The following SLX4IP variants were observed in gnomAD, a reference collection of about 807,000 sequenced individuals.
SLX4IP encodes SLX4 interacting protein, also known as protein SLX4IP.
In SLX4IP, 34 loss-of-function variants were observed where a neutral mutation model predicts 32.9. That is an observed-to-expected ratio of 1.03 (90% CI 0.79 to 1.38). SLX4IP has a LOEUF of 1.38. Among genes scored for constraint, SLX4IP ranks in the 40% most tolerant of loss-of-function variants. The probability of loss-of-function intolerance (pLI) is 0.00; values close to 1 mark genes in which losing one functional copy is unlikely to be tolerated. For missense variants in SLX4IP, 444 were observed against 479.0 expected (o/e 0.93, Z 0.68); for synonymous variants, 172 against 171.7 (o/e 1.00, Z -0.01).
chr20:10,479,438 C>T (rs553946483), intron 2 of SLX4IP, among the ~76,000 whole-genome samples: 7 of 149,838 alleles, frequency 4.7e-5, no homozygotes, highest in African/African-American at 1.2e-4. Context: ...CTGCAACCTC[C>T]GCCTCCTGGG....
intron 2 of SLX4IP, among the ~76,000 whole-genome samples, chr20:10,526,493 A>C (rs995855300): frequency 2.4e-4 from 37 of 152,204 alleles, no homozygotes; most frequent in Admixed American, 1.2e-3. Flanking sequence ...ATATGTCCTC[A>C]AGATTGCCAC....
At chr20:10,614,287 A>G (rs540121245) in intron 6 of SLX4IP, 217 of 599,836 alleles carry the variant, frequency 3.6e-4, no homozygotes, top group Non-Finnish European at 5.5e-4. Flanking sequence ...AGAATTCATG[A>G]AGTCCTACCT....
chr20:10,581,232 A>G (rs1156739709), intron 4 of SLX4IP, among the ~76,000 whole-genome samples: 1 of 152,098 alleles, frequency 6.6e-6, no homozygotes, highest in Non-Finnish European at 1.5e-5. Flanking sequence ...ATGGAGGGAC[A>G]GGGAGCTGAT....
chr20:10,511,051 G>A (rs1292168381), intron 2 of SLX4IP, among the ~76,000 whole-genome samples: 2 of 152,206 alleles, frequency 1.3e-5, no homozygotes, highest in Non-Finnish European at 2.9e-5. Flanking sequence ...CAGAGAACCT[G>A]GCTTTGGTGC....
chr20:10,619,989 C>T (rs1315764226), intron 6 of SLX4IP, among the ~76,000 whole-genome samples: 1 of 152,180 alleles, frequency 6.6e-6, no homozygotes, highest in African/African-American at 2.4e-5. Context: ...GATGGATAGG[C>T]ACAATTGAAG....
At chr20:10,565,450 G>A (rs1004479438) in intron 4 of SLX4IP, among the ~76,000 whole-genome samples, 4 of 152,090 alleles carry the variant, frequency 2.6e-5, no homozygotes, top group Admixed American at 2.0e-4. Context: ...AAGCTTTGCC[G>A]AGCCTCATCC....
At chr20:10,529,114 T>C (rs1472015247) in intron 2 of SLX4IP, among the ~76,000 whole-genome samples, 3 of 152,336 alleles carry the variant, frequency 2.0e-5, no homozygotes, top group Non-Finnish European at 4.4e-5. Flanking sequence ...GTCTAAAGAC[T>C]AAAAAGTAGA....
At position 10,623,609 on chromosome 20, in the gene SLX4IP, G is replaced by C; in HGVS notation, c.*230G>C. The C allele has an allele frequency of 1.7e-6, 1 of 596,770 alleles. No homozygotes were observed. Among genetic ancestry groups the C allele is most frequent in the Non-Finnish European group, 2.8e-6 (1 of 355,582 alleles). The allele number at this position is 596,770 out of a possible 1,614,324, so 37.0% of individuals were successfully genotyped here. On this transcript the variant is annotated 3_prime_UTR_variant, in exon 8 of 8. Coordinates refer to ENST00000334534, the MANE Select transcript of SLX4IP (RefSeq NM_001009608.3). ...TTCTTTATCATTGTATTTTATGACT[G>C]TCTTCAGAGAATTAGTAATGACAAA...
chr20:10,535,363 C>G, intron 2 of SLX4IP, among the ~76,000 whole-genome samples: 1 of 152,034 alleles, frequency 6.6e-6, no homozygotes, highest in Non-Finnish European at 1.5e-5. Flanking sequence ...GCTCTGTTGC[C>G]CAAGCTGGAG....
intron 2 of SLX4IP, among the ~76,000 whole-genome samples, chr20:10,486,458 G>T (rs545146744): frequency 2.0e-5 from 3 of 152,150 alleles, no homozygotes; most frequent in Non-Finnish European, 4.4e-5. Flanking sequence ...GAACTGGTGT[G>T]CCAGGCTCTT....
intron 1 of SLX4IP, among the ~76,000 whole-genome samples, chr20:10,445,933 C>CTT (rs749557514): frequency 3.1e-3 from 186 of 60,686 alleles, no homozygotes; most frequent in Non-Finnish European, 4.4e-3. Flanking sequence ...GCTGAGATTG[C>CTT]TTTTTTTTTT....
rs968562849 is a variant in SLX4IP, at chr20:10,587,517, G to A, written c.239-11158G>A. Among the ~76,000 whole-genome samples, 3 of 152,190 alleles carry A rather than the reference G, an allele frequency of 2.0e-5. No homozygotes were observed. The South Asian group carries it at 6.2e-4, about 32-fold the overall frequency. On this transcript the variant is annotated intron_variant, in intron 4 of 7. Transcript: ENST00000334534. ...ATATACAGGTGAAAAAATTGGAGAT[G>A]AAGAAAAGTCCCTTTTTTGGTACAT...
chr20:10,442,119 A>G (rs1359200044), intron 1 of SLX4IP, among the ~76,000 whole-genome samples: 2 of 152,198 alleles, frequency 1.3e-5, no homozygotes, highest in African/African-American at 2.4e-5. Context: ...AAATCTGGAG[A>G]TTAGAAACCT....
intron 7 of SLX4IP, 151 bp from the exon 8 acceptor site, chr20:10,622,508 G>T: frequency 9.8e-7 from 1 of 1,019,008 alleles, no homozygotes; most frequent in South Asian, 1.7e-5. Context: ...ATACACCTGT[G>T]GTGGGGAGTG....
intron 6 of SLX4IP, among the ~76,000 whole-genome samples, chr20:10,609,906 G>A (rs2122558814): frequency 6.6e-6 from 1 of 151,546 alleles, no homozygotes; most frequent in African/African-American, 2.4e-5. Context: ...GGAGTTACTA[G>A]CCTATGATTC....
At chr20:10,618,940 T>TGGGGGTGGGGGGGG (rs2067071936) in intron 6 of SLX4IP, among the ~76,000 whole-genome samples, 2 of 41,772 alleles carry the variant, frequency 4.8e-5, no homozygotes, top group Non-Finnish European at 9.9e-5. Context: ...GCTTGGGGGT[T>TGGGGGTGGGGGGGG]GGGGGGGCGG....
chr20:10,460,540 C>A (rs1291506388), intron 2 of SLX4IP, among the ~76,000 whole-genome samples: 1 of 152,162 alleles, frequency 6.6e-6, no homozygotes, highest in Admixed American at 6.5e-5. Context: ...CATCCACGTG[C>A]CTGTTCTGCA....
intron 6 of SLX4IP, among the ~76,000 whole-genome samples, chr20:10,604,784 A>C (rs1259405938): frequency 6.6e-6 from 1 of 152,230 alleles, no homozygotes; most frequent in African/African-American, 2.4e-5. Flanking sequence ...TGTGATGTGT[A>C]CTTTGGGAAG....
chr20:10,570,887 T>C (rs2122514216), intron 4 of SLX4IP, among the ~76,000 whole-genome samples: 2 of 152,302 alleles, frequency 1.3e-5, no homozygotes, highest in Middle Eastern at 6.8e-3. Context: ...CAGAGTGCAG[T>C]GGAACAGTCG....
Sources: allele counts gnomAD v4.1 joint callset (sites outside exome capture counted in the v4.1 genomes callset), GRCh38; gene constraint gnomAD v4.1.1; transcripts MANE v1.5; gene names NCBI Gene and HGNC (gene_info 2026-07-23, HGNC 2026-07-21).